Variants in CNBD1 observed in about 807,000 individuals in gnomAD.
The protein encoded by CNBD1 is cyclic nucleotide-binding domain-containing protein 1.
Under a neutral mutation model 54.4 loss-of-function variants are expected in CNBD1, and 71 were observed. The ratio of observed to expected loss-of-function variants is 1.30; its 90% confidence interval spans 1.08 to 1.59. The LOEUF is 1.59. Among genes scored for constraint, CNBD1 ranks in the 40% most tolerant of loss-of-function variants. CNBD1 has a pLI of 0.00. For missense variants in CNBD1, 659 were observed against 518.0 expected (o/e 1.27, Z -2.64); for synonymous variants, 182 against 170.7 (o/e 1.07, Z -0.51).
At chr8:87,145,099 G>A (rs1427570451) in intron 4 of CNBD1, among the ~76,000 whole-genome samples, 1 of 152,046 alleles carries the variant, frequency 6.6e-6, no homozygotes, top group African/African-American at 2.4e-5. Context: ...AAAATTTATA[G>A]CATATGCTAT....
chr8:87,373,058 TA>T (rs918067554), intron 10 of CNBD1, among the ~76,000 whole-genome samples: 1 of 151,842 alleles, frequency 6.6e-6, no homozygotes, highest in Non-Finnish European at 1.5e-5. Flanking sequence ...TTTTAAAAAT[TA>T]TGACCATTTC....
At chr8:87,101,201 A>C (rs1358945312) in intron 4 of CNBD1, among the ~76,000 whole-genome samples, 2 of 152,222 alleles carry the variant, frequency 1.3e-5, no homozygotes, top group East Asian at 3.9e-4. Flanking sequence ...ATCAGTCAGC[A>C]GAAACTCTAA....
intron 8 of CNBD1, among the ~76,000 whole-genome samples, chr8:87,323,623 G>A (rs952538342): frequency 2.3e-5 from 3 of 131,438 alleles, no homozygotes; most frequent in Non-Finnish European, 5.1e-5. Context: ...TGGTGTATAA[G>A]AATGCTTGTG....
At chr8:86,881,822 T>C (rs1808610316) in intron 1 of CNBD1, among the ~76,000 whole-genome samples, 1 of 152,026 alleles carries the variant, frequency 6.6e-6, no homozygotes. Flanking sequence ...AACAGACACA[T>C]AGACCAATGG....
chr8:87,166,310 T>C lies in CNBD1; in HGVS notation c.432-39683T>C, dbSNP rs1260922586. Among the ~76,000 whole-genome samples, 1 of 151,924 alleles carries C rather than the reference T, an allele frequency of 6.6e-6. No individual in the cohort carries two copies. The highest frequency in any genetic ancestry group is 1.5e-5 in the Non-Finnish European group (1 of 67,912). ...CAATATATATCTTGGATCTGTCTGC[T>C]TGGTTCCATTTTTACTGATGTCGCT... On this transcript the variant is annotated intron_variant, in intron 4 of 10. Transcript: ENST00000518476. This position sits in a 1 kb window ranked among gnomAD's most constrained non-coding sequence, Gnocchi z 4.3.
chr8:87,405,036 T>C (rs142353143), intron 2 of CNBD1, among the ~76,000 whole-genome samples: 4 of 152,222 alleles, frequency 2.6e-5, no homozygotes, highest in Admixed American at 2.0e-4. Context: ...TGCTATCTTA[T>C]ATATCAGTAC....
chr8:87,405,936 C>A (rs1457065535), intron 2 of CNBD1, among the ~76,000 whole-genome samples: 1 of 152,102 alleles, frequency 6.6e-6, no homozygotes, highest in Admixed American at 6.6e-5. Flanking sequence ...TCTGATAACA[C>A]TTAAATAGTA....
intron 5 of CNBD1, among the ~76,000 whole-genome samples, chr8:87,223,669 CT>C (rs1373423131): frequency 6.6e-6 from 1 of 152,006 alleles, no homozygotes; most frequent in East Asian, 1.9e-4. Context: ...GGTTCCAAGT[CT>C]TTGCTATTGT....
At chr8:87,340,870 A>G (rs1220026512) in intron 8 of CNBD1, among the ~76,000 whole-genome samples, 1 of 151,796 alleles carries the variant, frequency 6.6e-6, no homozygotes, top group Non-Finnish European at 1.5e-5. Context: ...TAACTCCTAT[A>G]CCGCCATTTC....
chr8:87,398,491 G>T (rs2130975375), intron 2 of CNBD1, among the ~76,000 whole-genome samples: 1 of 151,986 alleles, frequency 6.6e-6, no homozygotes, highest in South Asian at 2.1e-4. Flanking sequence ...TGTTTAACCT[G>T]CATAAAAATA....
intron 4 of CNBD1, among the ~76,000 whole-genome samples, chr8:87,161,544 C>A (rs531700377): frequency 6.6e-6 from 1 of 151,978 alleles, no homozygotes; most frequent in African/African-American, 2.4e-5. Flanking sequence ...AGGTGGACAG[C>A]AAAATTATTA....
intron 4 of CNBD1, among the ~76,000 whole-genome samples, chr8:87,149,494 T>C (rs147758839): frequency 5.8e-4 from 88 of 152,330 alleles, no homozygotes; most frequent in Admixed American, 1.2e-3. Flanking sequence ...GAAATGTATG[T>C]GTGTTGGAAA....
chr8:87,099,876 A>G (rs1290658712), intron 4 of CNBD1, among the ~76,000 whole-genome samples: 1 of 152,232 alleles, frequency 6.6e-6, no homozygotes. Context: ...TTTTAAAGCA[A>G]CTAGATTAGA....
At chr8:87,173,218 T>TA (rs1221174840) in intron 4 of CNBD1, among the ~76,000 whole-genome samples, 4 of 152,232 alleles carry the variant, frequency 2.6e-5, no homozygotes, top group Admixed American at 1.3e-4. Flanking sequence ...TTGTTATTTC[T>TA]ATTTATATCT....
At chr8:86,875,199 T>C (rs1808502201) in intron 1 of CNBD1, among the ~76,000 whole-genome samples, 1 of 151,990 alleles carries the variant, frequency 6.6e-6, no homozygotes, top group Non-Finnish European at 1.5e-5. Flanking sequence ...CTATCTTCCA[T>C]ATTCACTGCC....
chr8:86,889,444 C>A (rs1808732406), intron 2 of CNBD1, among the ~76,000 whole-genome samples: 1 of 152,012 alleles, frequency 6.6e-6, no homozygotes, highest in Non-Finnish European at 1.5e-5. Flanking sequence ...ATTATTAGTT[C>A]TTTATGTATT....
At chr8:87,324,662 T>C (rs981889116) in intron 8 of CNBD1, among the ~76,000 whole-genome samples, 17 of 151,860 alleles carry the variant, frequency 1.1e-4, no homozygotes, top group African/African-American at 3.9e-4. Flanking sequence ...CACTTTATCA[T>C]TTTTTATTGT....
At chr8:87,409,281 T>G (rs192111998) in intron 2 of CNBD1, among the ~76,000 whole-genome samples, 5 of 152,204 alleles carry the variant, frequency 3.3e-5, no homozygotes, top group Non-Finnish European at 7.4e-5. Context: ...GAAGATCAAA[T>G]AAGCCACAAC....
chr8:87,237,344 G>T (rs1807606029), intron 6 of CNBD1: 1 of 329,348 alleles, frequency 3.0e-6, no homozygotes, highest in African/African-American at 2.1e-5. Flanking sequence ...GGTGTATTTG[G>T]TAACAGACAA....
Sources: allele counts gnomAD v4.1 joint callset (sites outside exome capture counted in the v4.1 genomes callset), GRCh38; gene constraint gnomAD v4.1.1; non-coding constraint Gnocchi (gnomAD v3.1); transcripts MANE v1.5; gene names NCBI Gene and HGNC (gene_info 2026-07-23, HGNC 2026-07-21).